The following SPSB1 variants were observed in gnomAD, a reference collection of about 807,000 sequenced individuals.
The protein encoded by SPSB1 is SPRY domain-containing SOCS box protein 1.
Under a neutral mutation model 21.2 loss-of-function variants are expected in SPSB1, and 8 were observed. The observed-to-expected ratio is 0.38, with a 90% confidence interval of 0.22 to 0.68. SPSB1 has a LOEUF of 0.68. Among genes scored for constraint, SPSB1 ranks in the 30% least tolerant of loss-of-function variants. The pLI, the probability that SPSB1 is intolerant of heterozygous loss-of-function variation, is 0.53. For synonymous variants in SPSB1, 169 were observed against 161.7 expected, an observed-to-expected ratio of 1.05 and a Z score of -0.34; for missense variants, 242 against 377.8, an observed-to-expected ratio of 0.64 and a Z score of 2.98.
At chr1:9,366,225 G>A (rs1056661469) in intron 2 of SPSB1, among the ~76,000 whole-genome samples, 5 of 152,204 alleles carry the variant, frequency 3.3e-5, no homozygotes, top group African/African-American at 1.2e-4. Flanking sequence ...CCATGTGCCT[G>A]GGGCAGTTGC....
chr1:9,329,373 G>A (rs1168841937), intron 1 of SPSB1, among the ~76,000 whole-genome samples: 1 of 152,092 alleles, frequency 6.6e-6, no homozygotes, highest in Non-Finnish European at 1.5e-5. Flanking sequence ...CTGGAGGGCA[G>A]TGATGGAGAG....
chr1:9,333,927 G>T (rs1324123675), intron 1 of SPSB1, among the ~76,000 whole-genome samples: 1 of 152,106 alleles, frequency 6.6e-6, no homozygotes, highest in African/African-American at 2.4e-5. Flanking sequence ...GGGATGCTCC[G>T]CCACATTCCT....
rs1281994301 is a variant in SPSB1 at position 9,368,762 on chromosome 1, C to G, written c.*1187C>G. On this transcript the variant is annotated 3_prime_UTR_variant, in exon 3 of 3. Transcript: ENST00000328089. Reference sequence around the variant, plus strand: ...GGAGCAGAGTCGAGCCTCACAGAAGCCAGCGCGGGTCTCTGCTCAGCACCC... The same window carrying G: ...GGAGCAGAGTCGAGCCTCACAGAAGGCAGCGCGGGTCTCTGCTCAGCACCC... 1 of 151,988 alleles carries G rather than the reference C, an allele frequency of 6.6e-6. No homozygotes were observed. The highest frequency in any genetic ancestry group is 2.4e-5 in the African/African-American group (1 of 41,342). The allele number at this position is 151,988 out of a possible 1,614,324, so 9.4% of individuals were successfully genotyped here.
intron 1 of SPSB1, among the ~76,000 whole-genome samples, chr1:9,296,651 T>C (rs1639231496): frequency 7.3e-6 from 1 of 137,750 alleles, no homozygotes; most frequent in South Asian, 2.4e-4. Context: ...CTGGATTATT[T>C]TGAAGCAAAT....
In SPSB1 at chr1:9,305,380, G is replaced by C. The variant is rs1430153237; in HGVS notation, c.-150+12309G>C. ...TGCACCCTCAGCCATGCCAGGGACA[G>C]CTGCTGTTGTGGGCAGCCCAGTGAC... On this transcript the variant is annotated intron_variant, in intron 1 of 2. Coordinates refer to ENST00000328089, the MANE Select transcript of SPSB1 (RefSeq NM_025106.4). The surrounding 1 kb of genome is among the most constrained non-coding windows in gnomAD (Gnocchi z 4.8). Among the ~76,000 whole-genome samples the C allele has an allele frequency of 2.0e-5, 3 of 152,232 alleles. No homozygotes were observed. Among genetic ancestry groups the C allele is most frequent in the Non-Finnish European group, 4.4e-5 (3 of 68,030 alleles).
chr1:9,333,682 T>C (rs1639959624), intron 1 of SPSB1, among the ~76,000 whole-genome samples: 2 of 152,180 alleles, frequency 1.3e-5, no homozygotes. Context: ...GTGAACAGCC[T>C]CATCCAGTGT....
At chr1:9,316,912 C>T (rs1569585923) in intron 1 of SPSB1, among the ~76,000 whole-genome samples, 1 of 152,130 alleles carries the variant, frequency 6.6e-6, no homozygotes, top group East Asian at 1.9e-4. Flanking sequence ...TATAAGAGTG[C>T]CCCCGGGTAG....
At chr1:9,312,603 G>C (rs1236079929) in intron 1 of SPSB1, among the ~76,000 whole-genome samples, 1 of 152,134 alleles carries the variant, frequency 6.6e-6, no homozygotes, top group Non-Finnish European at 1.5e-5. Context: ...AGTTTCCTGA[G>C]TGCTGATGGT....
rs546943909 is a variant in SPSB1 at position 9,344,166 on chromosome 1, T to C, written c.-149-11577T>C. On this transcript the variant is annotated intron_variant, in intron 1 of 2. Coordinates refer to ENST00000328089, the MANE Select transcript of SPSB1 (RefSeq NM_025106.4). The stretch of plus-strand genomic sequence containing the variant: ...AATAGGGATCTGAGATTCTAAACTG[T>C]TGAGCCATAATTCCTTGAAACCAGT... Among the ~76,000 whole-genome samples, 22 of 152,350 alleles carry C rather than the reference T, an allele frequency of 1.4e-4. No individual in the cohort carries two copies. The South Asian group carries it at 4.6e-3, about 32-fold the overall frequency.
chr1:9,298,420 A>G (rs478552), intron 1 of SPSB1, among the ~76,000 whole-genome samples: 15,035 of 91,928 alleles, frequency 0.16, 909 homozygotes, highest in South Asian at 0.22. Flanking sequence ...ATGAATGAAT[A>G]AGTGAACGAA....
rs1569673261 is a variant in SPSB1, at chr1:9,368,140, A to T, written c.*565A>T. ...AAGAACTGTCTGCAGGCAAATAAGC[A>T]CCCAGCACCCATCCTGGCTGCCGGT... On this transcript the variant is annotated 3_prime_UTR_variant, in exon 3 of 3. Transcript: ENST00000328089. 6.4e-6 allele frequency: 1 copy of T among 156,126 alleles called. No homozygotes were observed. Among genetic ancestry groups the T allele is most frequent in the Non-Finnish European group, 1.4e-5 (1 of 70,166 alleles). 9.7% of individuals were successfully genotyped at this position (156,126 alleles called of 1,614,324 possible). A position where few individuals can be genotyped will look rare whatever the true frequency, so the allele number is the denominator to read the frequency against.
Position 9,346,884 on chromosome 1 carries a change from C to G in SPSB1, c.-149-8859C>G, listed in dbSNP as rs1283340899. 6.6e-6 allele frequency among the ~76,000 whole-genome samples: 1 copy of G among 152,234 alleles called. No homozygotes were observed. Among genetic ancestry groups the G allele is most frequent in the Non-Finnish European group, 1.5e-5 (1 of 68,048 alleles). ...CTGGGTCAGTAGAGAGAGACAGCCG[C>G]CCCATTTTTACGGGGCTAATTAAAA... On this transcript the variant is annotated intron_variant, in intron 1 of 2. Transcript: ENST00000328089. This position sits in a 1 kb window ranked among gnomAD's most constrained non-coding sequence, Gnocchi z 4.4.
chr1:9,358,559 C>G (rs946545559), intron 2 of SPSB1, among the ~76,000 whole-genome samples: 11 of 152,230 alleles, frequency 7.2e-5, no homozygotes, highest in Admixed American at 2.0e-4. Flanking sequence ...CATATCCTGC[C>G]TAGGACCTAG....
chr1:9,326,002 G>A (rs1037621147), intron 1 of SPSB1, among the ~76,000 whole-genome samples: 2 of 152,062 alleles, frequency 1.3e-5, no homozygotes, highest in African/African-American at 4.8e-5. Flanking sequence ...GAGTGTCCTG[G>A]GTCCTGGCCA....
intron 1 of SPSB1, among the ~76,000 whole-genome samples, chr1:9,351,894 C>G (rs764272019): frequency 3.9e-5 from 6 of 152,184 alleles, no homozygotes; most frequent in Non-Finnish European, 5.9e-5. Context: ...GGGCCACATT[C>G]CCTGGCTAGG....
intron 1 of SPSB1, among the ~76,000 whole-genome samples, chr1:9,335,907 A>G (rs906892507): frequency 6.6e-6 from 1 of 152,236 alleles, no homozygotes; most frequent in African/African-American, 2.4e-5. Context: ...CAATGTGCAC[A>G]GTAGTAACGA....
chr1:9,367,248 C>T lies in SPSB1; in HGVS notation c.695-200C>T, dbSNP rs981930271. On this transcript the variant is annotated intron_variant, in intron 2 of 2. Coordinates refer to ENST00000328089, the MANE Select transcript of SPSB1 (RefSeq NM_025106.4). The surrounding 1 kb of genome is among the most constrained non-coding windows in gnomAD (Gnocchi z 5.9). Reference sequence around the variant, plus strand: ...TAAATGAGTGTTAGCAGAGGGCTCGCCCAGGTGCCCAGCCCAGGGTGGGCT... The same window carrying T: ...TAAATGAGTGTTAGCAGAGGGCTCGTCCAGGTGCCCAGCCCAGGGTGGGCT... 4.6e-5 allele frequency among the ~76,000 whole-genome samples: 7 copies of T among 152,342 alleles called. No individual in the cohort carries two copies. The highest frequency in any genetic ancestry group is 2.0e-4 in the Admixed American group (3 of 15,306).
At chr1:9,294,103 T>TGA (rs1553122855) in intron 1 of SPSB1, among the ~76,000 whole-genome samples, 1 of 149,960 alleles carries the variant, frequency 6.7e-6, no homozygotes, top group South Asian at 2.1e-4. Context: ...TGTGTGTCTT[T>TGA]GTGTGTGTCT....
intron 1 of SPSB1, among the ~76,000 whole-genome samples, chr1:9,334,700 C>G (rs796324438): frequency 6.6e-6 from 1 of 152,368 alleles, no homozygotes; most frequent in African/African-American, 2.4e-5. Context: ...ACTGACCCCC[C>G]ATTCCTGCTC....
Sources: allele counts gnomAD v4.1 joint callset (sites outside exome capture counted in the v4.1 genomes callset), GRCh38; gene constraint gnomAD v4.1.1; non-coding constraint Gnocchi (gnomAD v3.1); transcripts MANE v1.5; gene names NCBI Gene and HGNC (gene_info 2026-07-23, HGNC 2026-07-21).